The following BLK variants were observed in gnomAD, a reference collection of about 807,000 sequenced individuals.
BLK encodes the protein BLK proto-oncogene, Src family tyrosine kinase, also known as tyrosine-protein kinase Blk.
BLK carries 64 observed loss-of-function variants against 61.8 expected under a neutral mutation model. The observed-to-expected ratio is 1.03, with a 90% CI of 0.85 to 1.27. BLK has a LOEUF of 1.27. Among genes scored for constraint, BLK ranks in the 50% most tolerant of loss-of-function variants. The probability of loss-of-function intolerance (pLI) is 0.00; values close to 1 mark genes in which losing one functional copy is unlikely to be tolerated. For synonymous variants in BLK, 351 were observed against 272.0 expected, an observed-to-expected ratio of 1.29 and a Z score of -2.86; for missense variants, 853 against 660.5, an observed-to-expected ratio of 1.29 and a Z score of -3.19.
chr8:11,556,710 C>T lies in BLK; in HGVS notation c.825C>T (p.Thr275=), dbSNP rs1801248444. 1 of 1,614,188 alleles carries T rather than the reference C, an allele frequency of 6.2e-7. No homozygotes were observed. Among genetic ancestry groups the T allele is most frequent in the Non-Finnish European group, 8.5e-7 (1 of 1,180,034 alleles). Residue 275 remains threonine, a synonymous_variant, in exon 9 of 13, where the codon ACC becomes ACT. Coordinates refer to ENST00000259089, the MANE Select transcript of BLK (RefSeq NM_001715.3). ...KVAIKTLKEG[T]MSPEAFLGEA... is the part of the protein sequence containing the mutation. ...CCATTAAGACGCTGAAGGAGGGAAC[C>T]ATGTCTCCAGAAGCCTTTCTGGGTG...
chr8:11,498,482 A>G (rs1479599783), intron 1 of BLK, among the ~76,000 whole-genome samples: 1 of 152,236 alleles, frequency 6.6e-6, no homozygotes, highest in Non-Finnish European at 1.5e-5. Flanking sequence ...ACAGTCAAAT[A>G]TCTAGGAAGA....
At chr8:11,563,764 C>G in intron 12 of BLK, 139 bp from the exon 13 acceptor site, 1 of 795,462 alleles carries the variant, frequency 1.3e-6, no homozygotes, top group Non-Finnish European at 2.0e-6. Context: ...AGGCAACGCA[C>G]GAGGCTGGAG....
rs143306652 is a variant in BLK at position 11,555,825 on chromosome 8, C to G, written c.772+341C>G. The G allele has an allele frequency of 1.9e-3, 753 of 386,968 alleles. 4 individuals carry two copies. The highest frequency in any genetic ancestry group is 0.013 in the African/African-American group (649 of 48,190). 24.0% of individuals were successfully genotyped at this position (386,968 alleles called of 1,614,324 possible). On this transcript the variant is annotated intron_variant, in intron 8 of 12. Coordinates refer to ENST00000259089, the MANE Select transcript of BLK (RefSeq NM_001715.3). Reference sequence around the variant, plus strand: ...TAGCTTTTCATCACCCAGATGGAAACAGGAGGTTAAACGTGATGAGCCATG... The same window carrying G: ...TAGCTTTTCATCACCCAGATGGAAAGAGGAGGTTAAACGTGATGAGCCATG...
At chr8:11,559,654 C>T (rs1801395667) in intron 10 of BLK, 31 of 429,064 alleles carry the variant, frequency 7.2e-5, no homozygotes, top group South Asian at 4.8e-4. Flanking sequence ...CAGATCTGGC[C>T]AACCCCACAG....
At chr8:11,512,937 G>C (rs978176181) in intron 1 of BLK, among the ~76,000 whole-genome samples, 1 of 152,184 alleles carries the variant, frequency 6.6e-6, no homozygotes. Flanking sequence ...AGACTGCTGG[G>C]ATTACAGGCG....
At chr8:11,561,902 T>G (rs1015188947) in intron 11 of BLK, among the ~76,000 whole-genome samples, 3 of 151,654 alleles carry the variant, frequency 2.0e-5, no homozygotes, top group African/African-American at 7.3e-5. Context: ...CACTGCAACC[T>G]CCGCCTCCTG....
At chr8:11,540,658 T>C (rs746027477) in intron 1 of BLK, among the ~76,000 whole-genome samples, 1 of 152,016 alleles carries the variant, frequency 6.6e-6, no homozygotes, top group African/African-American at 2.4e-5. Context: ...AAATTAAAGA[T>C]CTATAAACCA....
intron 1 of BLK, among the ~76,000 whole-genome samples, chr8:11,513,777 G>A (rs1799115989): frequency 6.6e-6 from 1 of 152,174 alleles, no homozygotes; most frequent in African/African-American, 2.4e-5. Context: ...GACGTTTATT[G>A]AATTCCATGT....
At chr8:11,536,660 A>G (rs920520016) in intron 1 of BLK, among the ~76,000 whole-genome samples, 2 of 151,956 alleles carry the variant, frequency 1.3e-5, no homozygotes, top group African/African-American at 4.8e-5. Flanking sequence ...TCCCACCTCA[A>G]CCTCGCAAGT....
intron 3 of BLK, among the ~76,000 whole-genome samples, chr8:11,546,338 C>G (rs955600758): frequency 6.6e-6 from 1 of 152,190 alleles, no homozygotes; most frequent in African/African-American, 2.4e-5. Context: ...AAAGACTTTA[C>G]AAACTGTAAA....
intron 1 of BLK, among the ~76,000 whole-genome samples, chr8:11,498,033 G>C (rs1359137339): frequency 6.6e-6 from 1 of 152,216 alleles, no homozygotes; most frequent in Non-Finnish European, 1.5e-5. Flanking sequence ...TGTGGGGCTT[G>C]TGCAACCCCT....
In BLK at chr8:11,514,516, C is replaced by T. The variant is rs117742009; in HGVS notation, c.-2+19925C>T. 3.8e-3 allele frequency among the ~76,000 whole-genome samples: 574 copies of T among 152,338 alleles called. 7 individuals carry two copies. The highest frequency in any genetic ancestry group is 0.01 in the Middle Eastern group (3 of 294). On this transcript the variant is annotated intron_variant, in intron 1 of 12. Coordinates refer to ENST00000259089, the MANE Select transcript of BLK (RefSeq NM_001715.3). ...GAGGACCCTTCTTGCACGCTGAGCTCTGAGCAGTGAGGGGAACAGCTGGGA... is the reference window on the plus strand; with the variant it reads ...GAGGACCCTTCTTGCACGCTGAGCTTTGAGCAGTGAGGGGAACAGCTGGGA...
At chr8:11,546,213 A>G in intron 3 of BLK, 110 bp downstream of exon 3, 1 of 1,338,044 alleles carries the variant, frequency 7.5e-7, no homozygotes, top group Non-Finnish European at 1.1e-6. Context: ...GCTGGAGAAG[A>G]GAAAACGGGG....
chr8:11,549,941 C>T, intron 5 of BLK: 1 of 592,014 alleles, frequency 1.7e-6, no homozygotes, highest in Non-Finnish European at 3.0e-6. Flanking sequence ...TCTAGGAAAA[C>T]AGTGAGTCCA....
At chr8:11,521,236 C>T (rs114845105) in intron 1 of BLK, among the ~76,000 whole-genome samples, 3 of 152,106 alleles carry the variant, frequency 2.0e-5, no homozygotes, top group South Asian at 2.1e-4. Context: ...TATCTATACC[C>T]TAAAGATATC....
At chr8:11,503,769 C>T (rs560622303) in intron 1 of BLK, among the ~76,000 whole-genome samples, 11 of 152,268 alleles carry the variant, frequency 7.2e-5, no homozygotes, top group Admixed American at 2.6e-4. Flanking sequence ...CTCTTTCTTG[C>T]CTGGGCCTCA....
chr8:11,543,052 A>T (rs1040087155), intron 1 of BLK, among the ~76,000 whole-genome samples, 172 bp from the exon 2 acceptor site: 3 of 152,136 alleles, frequency 2.0e-5, no homozygotes, highest in African/African-American at 7.2e-5. Flanking sequence ...ATGGACACCC[A>T]TTTAGCTCAC....
chr8:11,563,812 T>C lies in BLK; in HGVS notation c.1313-91T>C, dbSNP rs13248757. On this transcript the variant is annotated intron_variant, in intron 12 of 12. Coordinates refer to ENST00000259089, the MANE Select transcript of BLK (RefSeq NM_001715.3). The stretch of plus-strand genomic sequence containing the variant: ...ACTGTGGGCACTGCTGTCCCTTGCC[T>C]GGGCCCACTGTGCCCCGCGGGACGC... The C allele has an allele frequency of 0.26, 339,206 of 1,285,810 alleles. 56,671 individuals carry two copies. The highest frequency in any genetic ancestry group is 0.89 in the East Asian group (35,239 of 39,558). The allele number at this position is 1,285,810 out of a possible 1,614,324, so 79.7% of individuals were successfully genotyped here.
intron 1 of BLK, among the ~76,000 whole-genome samples, chr8:11,511,259 C>G (rs919050951): frequency 6.6e-6 from 1 of 152,044 alleles, no homozygotes; most frequent in African/African-American, 2.4e-5. Flanking sequence ...CACATGGACA[C>G]AGGAAGGGGA....
Sources: allele counts gnomAD v4.1 joint callset (sites outside exome capture counted in the v4.1 genomes callset), GRCh38; gene constraint gnomAD v4.1.1; transcripts MANE v1.5; gene names NCBI Gene and HGNC (gene_info 2026-07-23, HGNC 2026-07-21).